Variants in FRAS1 observed in about 807,000 individuals in gnomAD.
The protein encoded by FRAS1 is Fraser extracellular matrix complex subunit 1.
A neutral mutation model predicts 435.2 loss-of-function variants in FRAS1; 290 were observed. That is an observed-to-expected ratio of 0.67 (90% CI 0.61 to 0.73). FRAS1 has a LOEUF of 0.73. Among genes scored for constraint, FRAS1 ranks in the 30% least tolerant of loss-of-function variants. The pLI is 0.00. For synonymous variants in FRAS1, 1,800 were observed against 1,851.0 expected (o/e 0.97, Z 0.71); for missense variants, 4,860 against 5,001.5 (o/e 0.97, Z 0.85).
intron 40 of FRAS1, among the ~76,000 whole-genome samples, chr4:78,439,908 G>T: frequency 6.6e-6 from 1 of 151,714 alleles, no homozygotes; most frequent in East Asian, 1.9e-4. Context: ...GGATTCCACA[G>T]AAGTTAATTC....
In FRAS1 at chr4:78,314,146, C is replaced by T. The variant is rs533603668; in HGVS notation, c.1679-1448C>T. Among the ~76,000 whole-genome samples, 8 of 152,096 alleles carry T rather than the reference C, an allele frequency of 5.3e-5. No homozygotes were observed. In the East Asian group the frequency reaches 1.4e-3, roughly 26 times the overall value. On this transcript the variant is annotated intron_variant, in intron 15 of 73. Coordinates refer to ENST00000512123, the MANE Select transcript of FRAS1 (RefSeq NM_025074.7). ...ATGCTGATGCTACCCAGGTCCTTGC[C>T]CACTTCTGTCTTATCCTGCATACTT...
At chr4:78,176,197 A>C (rs2110043959) in intron 2 of FRAS1, among the ~76,000 whole-genome samples, 1 of 152,336 alleles carries the variant, frequency 6.6e-6, no homozygotes, top group South Asian at 2.1e-4. Context: ...TTCATGTATC[A>C]ACATCTATGC....
At chr4:78,429,598 T>C (rs1734132740) in intron 36 of FRAS1, among the ~76,000 whole-genome samples, 1 of 152,180 alleles carries the variant, frequency 6.6e-6, no homozygotes, top group African/African-American at 2.4e-5. Flanking sequence ...AAATGTCAGG[T>C]CACAAGAAGC....
chr4:78,129,297 C>A lies in FRAS1; in HGVS notation c.108+63281C>A, dbSNP rs545166781. Among the ~76,000 whole-genome samples, 4 of 152,134 alleles carry A rather than the reference C, an allele frequency of 2.6e-5. No homozygotes were observed. The South Asian group carries it at 8.3e-4, about 32-fold the overall frequency. The stretch of plus-strand genomic sequence containing the variant: ...TTTTTTCCAATTCTGTGAAGAAAGT[C>A]ATTGTTATGAAGTAAGTTTTTGAAA... On this transcript the variant is annotated intron_variant, in intron 2 of 73. Transcript: ENST00000512123.
intron 17 of FRAS1, among the ~76,000 whole-genome samples, chr4:78,318,283 C>A (rs1334187959): frequency 1.3e-5 from 2 of 152,132 alleles, no homozygotes; most frequent in Non-Finnish European, 2.9e-5. Flanking sequence ...TCACCAGTAG[C>A]CAGGGTAAGC....
At chr4:78,343,171 T>C (rs191763560) in intron 20 of FRAS1, among the ~76,000 whole-genome samples, 188 of 152,322 alleles carry the variant, frequency 1.2e-3, no homozygotes, top group Non-Finnish European at 2.4e-3. Flanking sequence ...TCTGAGAACC[T>C]TAAAAATGCA....
intron 10 of FRAS1, among the ~76,000 whole-genome samples, chr4:78,279,845 A>T (rs1429402310): frequency 1.3e-5 from 2 of 152,186 alleles, no homozygotes; most frequent in Non-Finnish European, 2.9e-5. Context: ...GTCCCCACTT[A>T]CCACAGAATA....
intron 2 of FRAS1, among the ~76,000 whole-genome samples, chr4:78,178,316 T>G (rs951421198): frequency 6.6e-6 from 1 of 152,176 alleles, no homozygotes; most frequent in East Asian, 1.9e-4. Context: ...AGTAGGAGAA[T>G]AAGTGGGATG....
chr4:78,512,618 A>T (rs927755299), intron 64 of FRAS1, among the ~76,000 whole-genome samples: 1 of 152,274 alleles, frequency 6.6e-6, no homozygotes, highest in African/African-American at 2.4e-5. Flanking sequence ...CTGGAGAAAC[A>T]AAAGAAGTGA....
In FRAS1 at chr4:78,102,906, C is replaced by T. The variant is rs181676078; in HGVS notation, c.108+36890C>T. 8.1e-4 allele frequency among the ~76,000 whole-genome samples: 123 copies of T among 152,248 alleles called. 1 individual carries two copies. Among genetic ancestry groups the T allele is most frequent in the Admixed American group, 2.5e-3 (38 of 15,294 alleles). ...GATTTGTATCTTATAGATAACAAAA[C>T]GCTTTTGGAAATGGCATGGGGTGTA... On this transcript the variant is annotated intron_variant, in intron 2 of 73. Transcript: ENST00000512123.
intron 2 of FRAS1, among the ~76,000 whole-genome samples, chr4:78,133,475 T>A (rs564784755): frequency 6.6e-6 from 1 of 152,086 alleles, no homozygotes; most frequent in African/African-American, 2.4e-5. Context: ...AGAGTCACTA[T>A]GGTTTATAAT....
At chr4:78,112,017 G>C (rs1036112998) in intron 2 of FRAS1, among the ~76,000 whole-genome samples, 3 of 152,030 alleles carry the variant, frequency 2.0e-5, no homozygotes, top group Admixed American at 1.3e-4. Context: ...GCAATTTTTG[G>C]AATCTTTGAC....
rs868249499 is a variant in FRAS1, at chr4:78,502,163, C to G, written c.9316+2242C>G. 8.5e-5 allele frequency among the ~76,000 whole-genome samples: 13 copies of G among 152,284 alleles called. No individual in the cohort carries two copies. The South Asian group carries it at 2.7e-3, about 32-fold the overall frequency. ...AAGTCAGGTATTGTGATGCCTCCAG[C>G]TTTGTTCTTTTTGCTTAGGACTGTC... On this transcript the variant is annotated intron_variant, in intron 61 of 73. Coordinates refer to ENST00000512123, the MANE Select transcript of FRAS1 (RefSeq NM_025074.7).
intron 23 of FRAS1, among the ~76,000 whole-genome samples, 178 bp from the exon 24 acceptor site, chr4:78,372,540 C>T (rs912254061): frequency 6.6e-6 from 1 of 152,196 alleles, no homozygotes; most frequent in Non-Finnish European, 1.5e-5. Flanking sequence ...AACACTTAAA[C>T]CTCAGAGAAG....
chr4:78,069,712 C>G (rs1302032590), intron 2 of FRAS1, among the ~76,000 whole-genome samples: 1 of 151,814 alleles, frequency 6.6e-6, no homozygotes. Flanking sequence ...TCCTTAGCAA[C>G]CAAGAAGAAC....
At chr4:78,148,400 A>C (rs550052960) in intron 2 of FRAS1, among the ~76,000 whole-genome samples, 39 of 152,312 alleles carry the variant, frequency 2.6e-4, no homozygotes, top group African/African-American at 7.9e-4. Context: ...TTGTATAATA[A>C]AATAACTCAA....
At chr4:78,390,693 A>C (rs1206659002) in intron 29 of FRAS1, among the ~76,000 whole-genome samples, 5 of 152,346 alleles carry the variant, frequency 3.3e-5, no homozygotes, top group Admixed American at 6.5e-5. Context: ...AGGCCCAAGA[A>C]GAAAAAAATG....
intron 3 of FRAS1, among the ~76,000 whole-genome samples, chr4:78,238,220 G>A (rs921222532): frequency 2.2e-4 from 33 of 151,828 alleles, no homozygotes; most frequent in Admixed American, 7.9e-4. Context: ...ATTTGACCAA[G>A]TCTATGATTG....
At chr4:78,178,993 C>T (rs748667686) in intron 2 of FRAS1, among the ~76,000 whole-genome samples, 46 of 152,312 alleles carry the variant, frequency 3.0e-4, no homozygotes, top group Admixed American at 1.0e-3. Flanking sequence ...CTATACATTC[C>T]TCTTGGAATT....
Sources: allele counts gnomAD v4.1 joint callset (sites outside exome capture counted in the v4.1 genomes callset), GRCh38; gene constraint gnomAD v4.1.1; transcripts MANE v1.5; gene names NCBI Gene and HGNC (gene_info 2026-07-23, HGNC 2026-07-21).